The following GRK4 variants were observed in gnomAD, a reference collection of about 807,000 sequenced individuals.
GRK4 encodes the protein G protein-coupled receptor kinase 2-like.
GRK4 carries 73 observed loss-of-function variants against 77.9 expected under a neutral mutation model. That is an observed-to-expected ratio of 0.94 (90% CI 0.78 to 1.14). The LOEUF is 1.14. Among genes scored for constraint, GRK4 ranks in the 50% most tolerant of loss-of-function variants. The pLI, the probability that GRK4 is intolerant of heterozygous loss-of-function variation, is 0.00. For synonymous variants in GRK4, 257 were observed against 254.4 expected, an observed-to-expected ratio of 1.01 and a Z score of -0.10; for missense variants, 729 against 700.2, an observed-to-expected ratio of 1.04 and a Z score of -0.46.
At chr4:3,019,539 T>C in intron 8 of GRK4, 102 bp from the exon 9 acceptor site, 1 of 1,003,296 alleles carries the variant, frequency 1.0e-6, no homozygotes, top group Non-Finnish European at 1.5e-6. Flanking sequence ...ATGTTCTGAT[T>C]GTAAACCTAA....
intron 4 of GRK4, among the ~76,000 whole-genome samples, chr4:2,995,506 TAAA>T (rs35993504): frequency 0.024 from 2,267 of 93,926 alleles, 74 homozygotes; most frequent in African/African-American, 0.082. Flanking sequence ...TCATCTCTAC[TAAA>T]AAAAAAAAAA....
intron 1 of GRK4, among the ~76,000 whole-genome samples, chr4:2,967,729 A>AT (rs200972550): frequency 4.2e-5 from 6 of 142,038 alleles, no homozygotes; most frequent in Admixed American, 7.1e-5. Context: ...GTTTTGTTTT[A>AT]TTTTTTTTTC....
intron 4 of GRK4, among the ~76,000 whole-genome samples, chr4:3,002,649 A>C (rs1730166872): frequency 6.6e-6 from 1 of 151,964 alleles, no homozygotes; most frequent in Non-Finnish European, 1.5e-5. Context: ...ACTTGCAGTG[A>C]CCCAAGATCA....
intron 15 of GRK4, 35 bp downstream of exon 15, chr4:3,038,548 A>C: frequency 1.4e-6 from 2 of 1,451,596 alleles, no homozygotes; most frequent in Non-Finnish European, 1.9e-6. Context: ...ATGTGTGTGT[A>C]TGTGAAAAAA....
chr4:2,998,362 AAAAAG>A (rs1036391916), intron 4 of GRK4, among the ~76,000 whole-genome samples: 10 of 152,214 alleles, frequency 6.6e-5, no homozygotes, highest in Non-Finnish European at 1.5e-4. Context: ...GTTTAAAAAA[AAAAAG>A]AAAAGAAAAG....
chr4:3,033,650 G>T (rs920528217), intron 12 of GRK4, among the ~76,000 whole-genome samples: 1 of 152,152 alleles, frequency 6.6e-6, no homozygotes, highest in Non-Finnish European at 1.5e-5. Flanking sequence ...ACAGTGGTGC[G>T]ACCTCAGCTC....
At position 2,985,888 on chromosome 4, in the gene GRK4, A is replaced by G. The variant is rs563225608; in HGVS notation, c.148+1280A>G. On this transcript the variant is annotated intron_variant, in intron 2 of 15. Coordinates refer to ENST00000398052, the MANE Select transcript of GRK4 (RefSeq NM_182982.3). ...GTGGCGGGCGCCTGTAGTCCCAGCT[A>G]CTTGGGAAGCTGAGGCAGGAGAATG... 1.3e-3 allele frequency: 199 copies of G among 159,096 alleles called. 4 individuals are homozygous for G. The South Asian group carries it at 0.025, about 20-fold the overall frequency. 9.9% of individuals were successfully genotyped at this position (159,096 alleles called of 1,614,324 possible).
At chr4:3,038,673 A>C (rs1276747762) in intron 15 of GRK4, 160 bp downstream of exon 15, 2 of 637,974 alleles carry the variant, frequency 3.1e-6, no homozygotes, top group Non-Finnish European at 5.3e-6. Flanking sequence ...GAGGCCAGCC[A>C]GAACAATGAG....
At chr4:3,008,017 T>C (rs1023673363) in intron 6 of GRK4, among the ~76,000 whole-genome samples, 189 bp downstream of exon 6, 1 of 152,100 alleles carries the variant, frequency 6.6e-6, no homozygotes, top group Non-Finnish European at 1.5e-5. Flanking sequence ...CCATCTCTAA[T>C]ACAACAGAAA....
chr4:2,977,429 C>T (rs903354648), intron 1 of GRK4, among the ~76,000 whole-genome samples: 2 of 151,122 alleles, frequency 1.3e-5, no homozygotes, highest in African/African-American at 4.9e-5. Flanking sequence ...CATCTGTTTA[C>T]CCAGGGTTTT....
At chr4:2,970,676 CT>C (rs1227402955) in intron 1 of GRK4, among the ~76,000 whole-genome samples, 10 of 148,700 alleles carry the variant, frequency 6.7e-5, no homozygotes, top group Non-Finnish European at 1.3e-4. Flanking sequence ...AAAAAATGTT[CT>C]TTTTTTTTGG....
rs767948389 is a variant in GRK4, at chr4:3,035,387, T to A, written c.1271T>A (p.Leu424Ter). Residue 424 changes from leucine to a stop codon, truncating the protein, a stop_gained and splice_region_variant, in exon 13 of 16, where the codon TTA becomes TAA. Transcript: ENST00000398052. LOFTEE classifies it high-confidence loss of function. ...GGGTTGCATTTCTGCCTCTTGCAGT[T>A]ACTCACCAAGAATCCAAGCAAGCGG... ...SEDAKSICRM[L>*]LTKNPSKRLG... The A allele has an allele frequency of 6.2e-7, 1 of 1,613,956 alleles. No homozygotes were observed. The highest frequency in any genetic ancestry group is 1.1e-5 in the South Asian group (1 of 91,076).
At chr4:2,981,855 T>G (rs1376067165) in intron 1 of GRK4, among the ~76,000 whole-genome samples, 2 of 152,250 alleles carry the variant, frequency 1.3e-5, no homozygotes, top group African/African-American at 2.4e-5. Flanking sequence ...TGCCCTGGCC[T>G]GCACTGAGCT....
intron 4 of GRK4, among the ~76,000 whole-genome samples, chr4:2,994,865 A>T (rs1272785370): frequency 6.6e-6 from 1 of 152,090 alleles, no homozygotes; most frequent in Non-Finnish European, 1.5e-5. Context: ...TGTTGTACAG[A>T]TTATTTCATC....
At chr4:3,014,874 G>A (rs990962977) in intron 8 of GRK4, among the ~76,000 whole-genome samples, 2 of 152,162 alleles carry the variant, frequency 1.3e-5, no homozygotes, top group African/African-American at 4.8e-5. Flanking sequence ...TGATCCACCT[G>A]CCTCAGCTTC....
At chr4:3,010,616 T>G (rs1732635984) in intron 7 of GRK4, among the ~76,000 whole-genome samples, 1 of 152,130 alleles carries the variant, frequency 6.6e-6, no homozygotes, top group Admixed American at 6.5e-5. Flanking sequence ...TCTGGGGATT[T>G]AAAGAGATAT....
At chr4:2,981,239 C>T (rs1017160305) in intron 1 of GRK4, among the ~76,000 whole-genome samples, 7 of 152,236 alleles carry the variant, frequency 4.6e-5, no homozygotes, top group Non-Finnish European at 5.9e-5. Flanking sequence ...TCACCCACAA[C>T]GTGGTGAGTT....
rs371111138 is a variant in GRK4 at position 3,026,188 on chromosome 4, C to T, written c.971-1724C>T. ...CAATTTGTCAGATATTGCCAGATTC[C>T]GCTCCAGGGTGTTTCCCGTCTGCAT... On this transcript the variant is annotated intron_variant, in intron 10 of 15. Coordinates refer to ENST00000398052, the MANE Select transcript of GRK4 (RefSeq NM_182982.3). 7.2e-5 allele frequency among the ~76,000 whole-genome samples: 11 copies of T among 152,276 alleles called. No individual in the cohort carries two copies. In the East Asian group the frequency reaches 1.7e-3, roughly 24 times the overall value.
intron 4 of GRK4, among the ~76,000 whole-genome samples, chr4:3,000,530 C>A (rs932776557): frequency 1.3e-5 from 2 of 151,600 alleles, no homozygotes; most frequent in Non-Finnish European, 2.9e-5. Flanking sequence ...AATGAACAAA[C>A]TTCTTTTCTT....
Sources: allele counts gnomAD v4.1 joint callset (sites outside exome capture counted in the v4.1 genomes callset), GRCh38; gene constraint gnomAD v4.1.1; transcripts MANE v1.5; gene names NCBI Gene and HGNC (gene_info 2026-07-23, HGNC 2026-07-21).